The following PTCHD4 variants were observed in gnomAD, a reference collection of about 807,000 sequenced individuals.
PTCHD4 encodes patched domain-containing protein 4.
PTCHD4 carries 33 observed loss-of-function variants against 58.1 expected under a neutral mutation model. That is an observed-to-expected ratio of 0.57 (90% CI 0.43 to 0.76). The LOEUF (loss-of-function observed/expected upper bound fraction) is 0.76, where lower values mean the gene tolerates loss of function less well. PTCHD4 is among the 30% of genes least tolerant of loss of function. The pLI is 0.00. For synonymous variants in PTCHD4, 478 were observed against 409.6 expected (o/e 1.17, Z -2.02); for missense variants, 1,058 against 1,027.1 (o/e 1.03, Z -0.41).
intron 1 of PTCHD4, among the ~76,000 whole-genome samples, chr6:48,105,174 T>TATTCCAAA (rs1159715790): frequency 6.6e-6 from 1 of 152,172 alleles, no homozygotes; most frequent in Non-Finnish European, 1.5e-5. Flanking sequence ...ACACCACACC[T>TATTCCAAA]ATTCCAAAAT....
chr6:48,058,598 A>G (rs1764502870), intron 3 of PTCHD4, among the ~76,000 whole-genome samples: 1 of 152,256 alleles, frequency 6.6e-6, no homozygotes, highest in Non-Finnish European at 1.5e-5. Flanking sequence ...AATGGAAAAG[A>G]AAGTAAGCCA....
At chr6:47,919,625 G>A (rs1205524118) in intron 4 of PTCHD4, among the ~76,000 whole-genome samples, 1 of 152,136 alleles carries the variant, frequency 6.6e-6, no homozygotes, top group Non-Finnish European at 1.5e-5. Context: ...AAAAGGAAGT[G>A]TCAGGGTCAG....
At chr6:47,999,775 CT>C (rs1768649927) in intron 4 of PTCHD4, among the ~76,000 whole-genome samples, 1 of 152,138 alleles carries the variant, frequency 6.6e-6, no homozygotes, top group South Asian at 2.1e-4. Context: ...AACTAGGTAT[CT>C]AGTCACAGAT....
chr6:48,022,716 T>C (rs570819218), intron 3 of PTCHD4, among the ~76,000 whole-genome samples: 12 of 152,154 alleles, frequency 7.9e-5, no homozygotes, highest in Non-Finnish European at 1.8e-4. Context: ...TCCATACTCT[T>C]GGATATCTAG....
At chr6:47,887,342 A>G (rs1177055164) in intron 4 of PTCHD4, among the ~76,000 whole-genome samples, 1 of 151,348 alleles carries the variant, frequency 6.6e-6, no homozygotes, top group Non-Finnish European at 1.5e-5. Context: ...GTTACTATTT[A>G]TCATTAGTTC....
intron 1 of PTCHD4, among the ~76,000 whole-genome samples, chr6:48,082,845 ATTAT>A (rs1330034654): frequency 6.6e-6 from 1 of 152,034 alleles, no homozygotes; most frequent in African/African-American, 2.4e-5. Flanking sequence ...ATACGAAATA[ATTAT>A]TTATATTTAT....
intron 3 of PTCHD4, among the ~76,000 whole-genome samples, chr6:48,059,780 C>T (rs1295764910): frequency 1.3e-5 from 2 of 152,122 alleles, no homozygotes; most frequent in African/African-American, 4.8e-5. Flanking sequence ...GCACTCACCA[C>T]CATCACTCTT....
chr6:48,083,296 C>A (rs1221310772), intron 1 of PTCHD4, among the ~76,000 whole-genome samples: 2 of 151,734 alleles, frequency 1.3e-5, no homozygotes, highest in African/African-American at 4.8e-5. Context: ...AAAACAAATT[C>A]TCATATATTT....
chr6:48,068,801 A>C lies in PTCHD4; in HGVS notation c.5+152T>G. On this transcript the variant is annotated intron_variant, in intron 2 of 4. Coordinates refer to ENST00000339488, the MANE Select transcript of PTCHD4 (RefSeq NM_001384253.1). The surrounding 1 kb of genome is among the most constrained non-coding windows in gnomAD (Gnocchi z 4.2). ...CTGGTCTTTCCCCGGCCCCACCTCC[A>C]TGCGCTCCTACTACTCTTTCAAACA... 1.6e-6 allele frequency: 1 copy of C among 640,094 alleles called. No homozygotes were observed. Among genetic ancestry groups the C allele is most frequent in the Non-Finnish European group, 2.6e-6 (1 of 379,314 alleles). The allele number at this position is 640,094 out of a possible 1,614,324, so 39.7% of individuals were successfully genotyped here.
At chr6:47,961,554 A>G (rs1767095402) in intron 4 of PTCHD4, among the ~76,000 whole-genome samples, 1 of 152,122 alleles carries the variant, frequency 6.6e-6, no homozygotes, top group African/African-American at 2.4e-5. Flanking sequence ...TCAGCCTCCC[A>G]AAATGCTGAG....
chr6:47,888,785 C>T (rs1172124632), intron 4 of PTCHD4, among the ~76,000 whole-genome samples: 27 of 141,652 alleles, frequency 1.9e-4, no homozygotes, highest in African/African-American at 6.6e-4. Flanking sequence ...TTAGGTATAT[C>T]TCCCAATGCT....
chr6:48,042,634 A>T (rs981138820), intron 3 of PTCHD4, among the ~76,000 whole-genome samples: 2 of 151,736 alleles, frequency 1.3e-5, no homozygotes, highest in East Asian at 3.9e-4. Context: ...ACGCTGACCC[A>T]ATTTTATTAT....
intron 3 of PTCHD4, among the ~76,000 whole-genome samples, chr6:48,016,292 G>A (rs2114100743): frequency 2.0e-5 from 3 of 152,124 alleles, no homozygotes; most frequent in Admixed American, 2.0e-4. Context: ...TAAAGGCCAT[G>A]AAAGCCTTAT....
rs1193791256 is a variant in PTCHD4, at chr6:48,068,340, G to A, written c.307C>T (p.His103Tyr). ...QSKSQLYSDL[H>Y]TPGRYGRVIL... ...ACCCTGCCATACCTCCCAGGGGTGT[G>A]TAAGTCCGAATAGAGCTGGCTTTTG... The change falls in exon 3 of 5, where the codon CAC becomes TAC. Residue 103 changes from histidine (H) to tyrosine (Y), a missense_variant. Physicochemically the swap from His to Tyr is moderately conservative, Grantham distance 83. Coordinates refer to ENST00000339488, the MANE Select transcript of PTCHD4 (RefSeq NM_001384253.1). This position sits in a 1 kb window ranked among gnomAD's most constrained non-coding sequence, Gnocchi z 4.2. 3.7e-6 allele frequency: 6 copies of A among 1,613,970 alleles called. No homozygotes were observed. Among genetic ancestry groups the A allele is most frequent in the South Asian group, 2.2e-5 (2 of 91,082 alleles).
chr6:47,996,499 C>G (rs572432095), intron 4 of PTCHD4, among the ~76,000 whole-genome samples: 1 of 152,028 alleles, frequency 6.6e-6, no homozygotes, highest in Admixed American at 6.6e-5. Context: ...TCTCAGGCCC[C>G]GCAGTACCCT....
chr6:48,089,488 T>G (rs939426850), intron 1 of PTCHD4, among the ~76,000 whole-genome samples: 2 of 152,216 alleles, frequency 1.3e-5, no homozygotes, highest in Non-Finnish European at 2.9e-5. Flanking sequence ...ATATAGTCAT[T>G]GTAAAGACAA....
chr6:48,008,483 G>C, intron 4 of PTCHD4, 151 bp downstream of exon 4: 1 of 864,120 alleles, frequency 1.2e-6, no homozygotes, highest in Non-Finnish European at 1.8e-6. Flanking sequence ...GCCCAATAAG[G>C]TGAAACAGAC....
chr6:47,885,206 AGAGTTG>A (rs896115609), intron 4 of PTCHD4, among the ~76,000 whole-genome samples: 49 of 152,304 alleles, frequency 3.2e-4, no homozygotes, highest in Admixed American at 2.0e-3. Flanking sequence ...AGGGTAAAAA[AGAGTTG>A]GACAGAGGAA....
chr6:48,019,284 G>A (rs1473148337), intron 3 of PTCHD4, among the ~76,000 whole-genome samples: 1 of 151,750 alleles, frequency 6.6e-6, no homozygotes, highest in Non-Finnish European at 1.5e-5. Context: ...GTGCTATACC[G>A]CTATCGAGGA....
Sources: allele counts gnomAD v4.1 joint callset (sites outside exome capture counted in the v4.1 genomes callset), GRCh38; gene constraint gnomAD v4.1.1; non-coding constraint Gnocchi (gnomAD v3.1); transcripts MANE v1.5; gene names NCBI Gene and HGNC (gene_info 2026-07-23, HGNC 2026-07-21).